The following CHM variants were observed in gnomAD, a reference collection of about 807,000 sequenced individuals.
CHM encodes the protein rab proteins geranylgeranyltransferase component A 1.
CHM carries 10 observed loss-of-function variants against 49.0 expected under a neutral mutation model. The observed-to-expected ratio is 0.20, with a 90% CI of 0.13 to 0.35. CHM has a LOEUF of 0.35. Among genes scored for constraint, CHM ranks in the 10% least tolerant of loss-of-function variants. CHM has a pLI of 1.00. For synonymous variants in CHM, 184 were observed against 167.5 expected (o/e 1.10, Z -0.76); for missense variants, 455 against 478.4 (o/e 0.95, Z 0.46).
chrX:85,868,333 G>A (rs140836345), intron 14 of CHM, among the ~76,000 whole-genome samples: 175 of 110,775 alleles, frequency 1.6e-3, no homozygotes, highest in South Asian at 0.016. Flanking sequence ...ATAGCTAACT[G>A]CATTTTTTAT....
chrX:85,909,928 G>T (rs772028979), intron 9 of CHM, among the ~76,000 whole-genome samples: 25 of 111,750 alleles, frequency 2.2e-4, no homozygotes, highest in Non-Finnish European at 5.7e-5. Flanking sequence ...GAAGTCTAAA[G>T]ACAACTATTC....
intron 11 of CHM, among the ~76,000 whole-genome samples, chrX:85,898,938 T>A (rs1377378751): frequency 8.9e-6 from 1 of 112,596 alleles, no homozygotes. Context: ...AAAGTATTTA[T>A]GCTTACACAT....
chrX:85,886,586 T>TG (rs1925100850), intron 12 of CHM, among the ~76,000 whole-genome samples: 1 of 111,289 alleles, frequency 9.0e-6, no homozygotes, highest in Non-Finnish European at 1.9e-5. Context: ...TTTTCTGACT[T>TG]GAAACAGAAA....
chrX:85,865,242 G>T (rs1471169062), intron 14 of CHM, among the ~76,000 whole-genome samples: 2 of 111,772 alleles, frequency 1.8e-5, no homozygotes. Context: ...GGGGTGACTA[G>T]ATTATGGGGG....
intron 12 of CHM, among the ~76,000 whole-genome samples, chrX:85,890,538 A>G (rs950904126): frequency 1.8e-5 from 2 of 111,319 alleles, no homozygotes; most frequent in Non-Finnish European, 3.8e-5. Flanking sequence ...AAGTCTCAAG[A>G]GATCTGATGG....
intron 2 of CHM, among the ~76,000 whole-genome samples, chrX:86,018,895 G>A (rs970162545): frequency 1.6e-4 from 18 of 112,150 alleles, no homozygotes; most frequent in Admixed American, 9.5e-4. Flanking sequence ...GAGTGGCAGA[G>A]GAGGGAGGTA....
intron 2 of CHM, among the ~76,000 whole-genome samples, chrX:86,010,534 T>G (rs761744583): frequency 9.1e-6 from 1 of 110,430 alleles, no homozygotes; most frequent in African/African-American, 3.3e-5. Flanking sequence ...TTCACAACTT[T>G]TCTGTAAGTC....
chrX:85,933,951 G>T (rs748901731), intron 8 of CHM, among the ~76,000 whole-genome samples: 2 of 111,238 alleles, frequency 1.8e-5, no homozygotes, highest in African/African-American at 6.5e-5. Flanking sequence ...AAGATTGCAG[G>T]AGTCATTTAC....
At chrX:85,974,673 T>C (rs939964080) in intron 4 of CHM, among the ~76,000 whole-genome samples, 11 of 110,285 alleles carry the variant, frequency 1.0e-4, no homozygotes, top group South Asian at 3.9e-4. Flanking sequence ...GTTGAAGCAA[T>C]TGGATATCCT....
At chrX:85,979,963 A>G (rs891947470) in intron 3 of CHM, among the ~76,000 whole-genome samples, 1 of 111,434 alleles carries the variant, frequency 9.0e-6, no homozygotes, top group African/African-American at 3.3e-5. Context: ...TGTAGACATG[A>G]GGTTACCAGC....
At chrX:85,984,063 G>T (rs911245564) in intron 2 of CHM, among the ~76,000 whole-genome samples, 1 of 109,691 alleles carries the variant, frequency 9.1e-6, no homozygotes, top group African/African-American at 3.3e-5. Context: ...TTAGCCGGGC[G>T]TAGTGGCACA....
chrX:86,014,434 T>C (rs1933205357), intron 2 of CHM, among the ~76,000 whole-genome samples: 1 of 112,501 alleles, frequency 8.9e-6, no homozygotes, highest in Admixed American at 9.4e-5. Context: ...AGAATTCATC[T>C]ACAAAAGAAT....
At chrX:85,915,615 T>A (rs1243302606) in intron 8 of CHM, among the ~76,000 whole-genome samples, 1 of 112,125 alleles carries the variant, frequency 8.9e-6, no homozygotes, top group East Asian at 2.8e-4. Context: ...GAATACAAAA[T>A]CAATGTACAA....
Position 86,004,359 on chromosome X carries a change from G to A in CHM, c.117-22550C>T, listed in dbSNP as rs180847057. Among the ~76,000 whole-genome samples the A allele has an allele frequency of 1.3e-4, 15 of 111,647 alleles. No homozygotes were observed. In the East Asian group the frequency reaches 3.1e-3, roughly 23 times the overall value. ...CTATAAAGAAACTGCAACAATTAAC[G>A]GGCAAAATAACCAGCGAACATCATA... is the stretch of plus-strand genomic sequence containing the variant. On this transcript the variant is annotated intron_variant, in intron 2 of 14. Coordinates refer to ENST00000357749, the MANE Select transcript of CHM (RefSeq NM_000390.4).
chrX:85,909,982 C>T (rs1487859267), intron 9 of CHM, among the ~76,000 whole-genome samples: 3 of 111,579 alleles, frequency 2.7e-5, no homozygotes, highest in African/African-American at 9.7e-5. Flanking sequence ...TGTTAACATC[C>T]TGGGCCTTTA....
At chrX:85,955,570 T>C (rs1351010611) in intron 8 of CHM, among the ~76,000 whole-genome samples, 1 of 112,067 alleles carries the variant, frequency 8.9e-6, no homozygotes, top group Non-Finnish European at 1.9e-5. Context: ...GACAAAAAAA[T>C]TTTAAATGTT....
At chrX:85,987,935 AAAG>A (rs1932001205) in intron 2 of CHM, among the ~76,000 whole-genome samples, 2 of 112,017 alleles carry the variant, frequency 1.8e-5, no homozygotes, top group Admixed American at 1.9e-4. Context: ...CAGATGCACA[AAAG>A]AAGAGCTGGT....
intron 12 of CHM, among the ~76,000 whole-genome samples, chrX:85,892,374 G>C (rs1454551557): frequency 9.0e-6 from 1 of 111,147 alleles, no homozygotes; most frequent in African/African-American, 3.3e-5. Context: ...GTTGTGGGAG[G>C]GACCCAGGGG....
At chrX:85,925,038 A>G (rs1273666635) in intron 8 of CHM, among the ~76,000 whole-genome samples, 2 of 111,828 alleles carry the variant, frequency 1.8e-5, no homozygotes, top group Non-Finnish European at 3.8e-5. Flanking sequence ...CAGTCACAGT[A>G]AAACTATGTA....
Sources: gnomAD v4.1 joint callset for allele counts (sites outside exome capture counted in the v4.1 genomes callset) on GRCh38, gnomAD v4.1.1 for gene constraint, MANE v1.5 for transcripts, NCBI Gene and HGNC (gene_info 2026-07-23, HGNC 2026-07-21) for gene names.